Variants in ATG4B observed in about 807,000 individuals in gnomAD.
ATG4B encodes the protein autophagy related 4B cysteine peptidase.
ATG4B carries 29 observed loss-of-function variants against 56.6 expected under a neutral mutation model. The observed-to-expected ratio is 0.51, with a 90% CI of 0.38 to 0.70. The LOEUF is 0.70. ATG4B is among the 30% of genes least tolerant of loss of function. ATG4B has a pLI of 0.00. For missense variants in ATG4B, 461 were observed against 515.5 expected (o/e 0.89, Z 1.02); for synonymous variants, 224 against 206.1 (o/e 1.09, Z -0.74).
intron 10 of ATG4B, among the ~76,000 whole-genome samples, chr2:241,669,811 G>T (rs142713399): frequency 1.5e-3 from 225 of 152,302 alleles, no homozygotes; most frequent in Middle Eastern, 3.4e-3. Flanking sequence ...GCAGCCTGGC[G>T]CACACTTCTT....
At position 241,668,478 on chromosome 2, in the gene ATG4B, T is replaced by G. The variant is rs779552988; in HGVS notation, c.812-62T>G. On this transcript the variant is annotated intron_variant, in intron 9 of 12. Transcript: ENST00000404914. This position sits in a 1 kb window ranked among gnomAD's most constrained non-coding sequence, Gnocchi z 4.2. ...GGTGCAGTGGGTCTGAAATGCGGCC[T>G]CCTCTGTCCCTTTCCTCTGCCGGCT... 12 of 1,568,200 alleles carry G rather than the reference T, an allele frequency of 7.7e-6. No homozygotes were observed. The highest frequency in any genetic ancestry group is 1.7e-4 in the Middle Eastern group (1 of 6,028).
At chr2:241,647,270 CATG>C (rs35717780) in intron 1 of ATG4B, among the ~76,000 whole-genome samples, 22,247 of 152,090 alleles carry the variant, frequency 0.15, 1,765 homozygotes, top group Middle Eastern at 0.28. Flanking sequence ...CGGTGTCAAA[CATG>C]AGAAGAATGT....
At chr2:241,659,282 G>A (rs773163951) in intron 7 of ATG4B, 95 bp downstream of exon 7, 2 of 1,116,606 alleles carry the variant, frequency 1.8e-6, no homozygotes, top group South Asian at 2.6e-5. Context: ...CTCGGCGAGT[G>A]TTGTCAGTCG....
At chr2:241,640,131 T>C (rs1323646069) in intron 1 of ATG4B, among the ~76,000 whole-genome samples, 1 of 152,236 alleles carries the variant, frequency 6.6e-6, no homozygotes, top group Non-Finnish European at 1.5e-5. Context: ...AAAATCATCA[T>C]GTTCAAGTTG....
At chr2:241,645,157 T>C (rs548705141) in intron 1 of ATG4B, among the ~76,000 whole-genome samples, 74 of 152,252 alleles carry the variant, frequency 4.9e-4, no homozygotes, top group African/African-American at 1.7e-3. Flanking sequence ...AGGGCATTCC[T>C]TCCTGTCCTC....
At chr2:241,648,477 C>G (rs2068128601) in intron 1 of ATG4B, among the ~76,000 whole-genome samples, 1 of 152,030 alleles carries the variant, frequency 6.6e-6, no homozygotes, top group African/African-American at 2.4e-5. Context: ...TGCCTGTAGT[C>G]TCAGCTGCTC....
At chr2:241,638,628 C>T (rs986684806) in intron 1 of ATG4B, among the ~76,000 whole-genome samples, 1 of 152,180 alleles carries the variant, frequency 6.6e-6, no homozygotes, top group Non-Finnish European at 1.5e-5. Context: ...ATTGTTTTTA[C>T]TTTTTATTTT....
chr2:241,651,948 C>G lies in ATG4B; in HGVS notation c.184+613C>G. ...TGGGGACTGGTTCTCAGCCTTGCCT[C>G]TCACCGGCGGAGAACTGAGGCCGGA... is the stretch of plus-strand genomic sequence containing the variant. On this transcript the variant is annotated intron_variant, in intron 3 of 12. Coordinates refer to ENST00000404914, the MANE Select transcript of ATG4B (RefSeq NM_013325.5). The surrounding 1 kb of genome is among the most constrained non-coding windows in gnomAD (Gnocchi z 4.1). The G allele has an allele frequency of 1.5e-6, 2 of 1,304,088 alleles. No homozygotes were observed. Among genetic ancestry groups the G allele is most frequent in the Non-Finnish European group, 2.0e-6 (2 of 988,804 alleles). The allele number at this position is 1,304,088 out of a possible 1,614,324, so 80.8% of individuals were successfully genotyped here.
intron 7 of ATG4B, among the ~76,000 whole-genome samples, chr2:241,660,125 G>T (rs1394530649): frequency 6.6e-6 from 1 of 152,190 alleles, no homozygotes; most frequent in African/African-American, 2.4e-5. Flanking sequence ...GGGAGGCGGA[G>T]GTTGCAGTGA....
chr2:241,640,536 G>T (rs1208369717), intron 1 of ATG4B, among the ~76,000 whole-genome samples: 1 of 152,330 alleles, frequency 6.6e-6, no homozygotes, highest in East Asian at 1.9e-4. Context: ...TAGACACTAG[G>T]ACTAGAGAAG....
intron 7 of ATG4B, among the ~76,000 whole-genome samples, chr2:241,664,336 C>T (rs370721060): frequency 1.2e-3 from 188 of 151,976 alleles, no homozygotes; most frequent in Non-Finnish European, 2.2e-3. Context: ...TGAGACCAGC[C>T]GCCTAGGTAA....
intron 3 of ATG4B, 199 bp from the exon 4 acceptor site, chr2:241,653,313 G>C (rs146192847): frequency 1.3e-6 from 2 of 1,547,978 alleles, no homozygotes; most frequent in Non-Finnish European, 1.7e-6. Flanking sequence ...TGAGGAGGTT[G>C]TCGGGACATT....
chr2:241,669,647 A>G (rs2068896154), intron 10 of ATG4B, among the ~76,000 whole-genome samples: 1 of 152,212 alleles, frequency 6.6e-6, no homozygotes, highest in African/African-American at 2.4e-5. Context: ...AGCTGGGACT[A>G]CAGGCACCCG....
intron 1 of ATG4B, among the ~76,000 whole-genome samples, chr2:241,648,372 G>T (rs1358503154): frequency 6.6e-6 from 1 of 152,140 alleles, no homozygotes; most frequent in Non-Finnish European, 1.5e-5. Flanking sequence ...AAGGCAGGTG[G>T]ATTGCTTGAG....
In ATG4B at chr2:241,646,396, C is replaced by T. The variant is rs573790953; in HGVS notation, c.11-4614C>T. On this transcript the variant is annotated intron_variant, in intron 1 of 12. Transcript: ENST00000404914. The stretch of plus-strand genomic sequence containing the variant: ...AGCTTCCAGATTCTGTTACTGCAGA[C>T]TGTTACTGATTCAACAATATGGTCC... 4.9e-4 allele frequency among the ~76,000 whole-genome samples: 74 copies of T among 152,276 alleles called. 1 individual carries two copies. The highest frequency in any genetic ancestry group is 4.8e-3 in the Admixed American group (74 of 15,288).
Position 241,672,291 on chromosome 2 carries a change from G to A in ATG4B, c.*27G>A, listed in dbSNP as rs760860949. On this transcript the variant is annotated 3_prime_UTR_variant, in exon 13 of 13. Coordinates refer to ENST00000404914, the MANE Select transcript of ATG4B (RefSeq NM_013325.5). ...AATCCTGGGGTCGGGGGTGGCACCTGTGAGAGCCTGGGGCTCCTGGTGCCG... is the reference window on the plus strand; with the variant it reads ...AATCCTGGGGTCGGGGGTGGCACCTATGAGAGCCTGGGGCTCCTGGTGCCG... 22 of 1,542,016 alleles carry A rather than the reference G, an allele frequency of 1.4e-5. No individual in the cohort carries two copies. In the African/African-American group the frequency reaches 2.5e-4, roughly 17 times the overall value.
At chr2:241,644,777 C>T (rs188852021) in intron 1 of ATG4B, among the ~76,000 whole-genome samples, 2 of 152,024 alleles carry the variant, frequency 1.3e-5, no homozygotes, top group East Asian at 1.9e-4. Context: ...TGGGAGAAAC[C>T]CATCTCTACT....
chr2:241,672,163 C>T (rs1199968195), intron 12 of ATG4B, 28 bp from the exon 13 acceptor site: 1 of 1,560,164 alleles, frequency 6.4e-7, no homozygotes, highest in Non-Finnish European at 8.7e-7. Context: ...CCCAAGATGC[C>T]TGATGCGCTA....
chr2:241,672,115 C>G (rs2068997195), intron 12 of ATG4B, 76 bp from the exon 13 acceptor site: 4 of 1,538,668 alleles, frequency 2.6e-6, no homozygotes, highest in Non-Finnish European at 3.5e-6. Context: ...TCAGTCTGCC[C>G]CACGCCAAGG....
Sources: allele counts gnomAD v4.1 joint callset (sites outside exome capture counted in the v4.1 genomes callset), GRCh38; gene constraint gnomAD v4.1.1; non-coding constraint Gnocchi (gnomAD v3.1); transcripts MANE v1.5; gene names NCBI Gene and HGNC (gene_info 2026-07-23, HGNC 2026-07-21).